STXBP5: variants seen among roughly 807,000 people sequenced by gnomAD.
STXBP5 encodes the protein syntaxin binding protein 5.
Under a neutral mutation model 152.4 loss-of-function variants are expected in STXBP5, and 50 were observed. The ratio of observed to expected loss-of-function variants is 0.33; its 90% confidence interval spans 0.26 to 0.42. STXBP5 has a LOEUF of 0.42. STXBP5 is among the 10% of genes least tolerant of loss of function. The pLI is 1.00. For missense variants in STXBP5, 1,167 were observed against 1,388.6 expected, an observed-to-expected ratio of 0.84 and a Z score of 2.54; for synonymous variants, 492 against 494.7, an observed-to-expected ratio of 0.99 and a Z score of 0.07.
chr6:147,384,444 A>C (rs780064364), intron 27 of STXBP5, among the ~76,000 whole-genome samples: 12 of 152,142 alleles, frequency 7.9e-5, no homozygotes, highest in Admixed American at 6.6e-5. Flanking sequence ...AATAAAAATT[A>C]TCTTACTTTT....
chr6:147,353,980 A>G (rs1222632465), intron 22 of STXBP5, among the ~76,000 whole-genome samples: 3 of 152,214 alleles, frequency 2.0e-5, no homozygotes, highest in Non-Finnish European at 2.9e-5. Context: ...ATTTCAAAAA[A>G]GATAAAAGTA....
At chr6:147,338,587 A>C (rs974943064) in intron 19 of STXBP5, among the ~76,000 whole-genome samples, 8 of 152,110 alleles carry the variant, frequency 5.3e-5, no homozygotes, top group Admixed American at 5.2e-4. Flanking sequence ...ATTGGGAGTC[A>C]CAGCCAAAAT....
intron 5 of STXBP5, among the ~76,000 whole-genome samples, chr6:147,261,026 T>C (rs942344091): frequency 2.0e-5 from 3 of 152,048 alleles, no homozygotes; most frequent in Non-Finnish European, 2.9e-5. Flanking sequence ...CAGTCATTCC[T>C]ACTAATGAAA....
rs779575614 is a variant in STXBP5 at position 147,279,659 on chromosome 6, C to CATCTATTTATGA, written c.838+1456_838+1467dup. On this transcript the variant is annotated intron_variant, in intron 8 of 27. Coordinates refer to ENST00000321680, the MANE Select transcript of STXBP5 (RefSeq NM_001127715.4). ...AAGCACTTACATGAAATTCCCTACACATCTATTTATGAGTGCATCTAGAGG... is the reference window on the plus strand; with the variant it reads ...AAGCACTTACATGAAATTCCCTACACATCTATTTATGAATCTATTTATGAGTGCATCTAGAGG... 3.0e-4 allele frequency among the ~76,000 whole-genome samples: 46 copies of CATCTATTTATGA among 152,306 alleles called. No individual in the cohort carries two copies. In the Middle Eastern group the frequency reaches 0.01, roughly 34 times the overall value.
At chr6:147,258,544 G>A (rs1461470420) in intron 4 of STXBP5, among the ~76,000 whole-genome samples, 1 of 151,876 alleles carries the variant, frequency 6.6e-6, no homozygotes, top group Non-Finnish European at 1.5e-5. Flanking sequence ...CGCCATTCTC[G>A]TGCCTCAGCC....
intron 2 of STXBP5, among the ~76,000 whole-genome samples, chr6:147,221,919 G>T (rs910149466): frequency 6.6e-6 from 1 of 151,604 alleles, no homozygotes; most frequent in South Asian, 2.1e-4. Context: ...TTGTCTCTCT[G>T]TTCTCAGATA....
chr6:147,341,562 A>G (rs994106635), intron 21 of STXBP5, among the ~76,000 whole-genome samples: 1 of 152,144 alleles, frequency 6.6e-6, no homozygotes, highest in African/African-American at 2.4e-5. Context: ...TTGCACTAGT[A>G]AAAGAGCCAC....
chr6:147,258,326 A>T (rs1170264786), intron 4 of STXBP5, among the ~76,000 whole-genome samples: 1 of 152,156 alleles, frequency 6.6e-6, no homozygotes, highest in Non-Finnish European at 1.5e-5. Flanking sequence ...TTAAAAAAAG[A>T]TTTCTTGTGG....
At chr6:147,362,916 G>A (rs1018689865) in intron 23 of STXBP5, among the ~76,000 whole-genome samples, 5 of 152,186 alleles carry the variant, frequency 3.3e-5, no homozygotes, top group South Asian at 2.1e-4. Flanking sequence ...GACAAGGCGC[G>A]TTCCCAGTGC....
chr6:147,373,652 A>C (rs1785670518), intron 25 of STXBP5, 79 bp from the exon 26 acceptor site: 1 of 953,944 alleles, frequency 1.0e-6, no homozygotes. Flanking sequence ...TAAGTTAAGG[A>C]GTTTACAGTG....
At chr6:147,325,967 G>A (rs886100440) in intron 17 of STXBP5, among the ~76,000 whole-genome samples, 2 of 152,156 alleles carry the variant, frequency 1.3e-5, no homozygotes, top group East Asian at 3.8e-4. Flanking sequence ...TTAGGTATAT[G>A]TAAATAATCT....
Position 147,234,685 on chromosome 6 carries a change from A to G in STXBP5, c.249-565A>G, listed in dbSNP as rs143111371. Among the ~76,000 whole-genome samples, 362 of 152,112 alleles carry G rather than the reference A, an allele frequency of 2.4e-3. 1 individual carries two copies. The highest frequency in any genetic ancestry group is 4.4e-3 in the Non-Finnish European group (297 of 67,848). On this transcript the variant is annotated intron_variant, in intron 2 of 27. Coordinates refer to ENST00000321680, the MANE Select transcript of STXBP5 (RefSeq NM_001127715.4). ...CATTTTAATCAGTATCCATGCCTGT[A>G]GTAAAAGATTGACACGTTCATTTGG... is the stretch of plus-strand genomic sequence containing the variant.
chr6:147,373,253 C>G (rs1379263741), intron 25 of STXBP5, among the ~76,000 whole-genome samples: 1 of 149,950 alleles, frequency 6.7e-6, no homozygotes, highest in Admixed American at 6.7e-5. Flanking sequence ...GTAATCCCAG[C>G]TAGTCAGTGG....
At chr6:147,206,998 GA>G (rs5880699) in intron 2 of STXBP5, among the ~76,000 whole-genome samples, 10,196 of 146,924 alleles carry the variant, frequency 0.069, 463 homozygotes, top group African/African-American at 0.14. Context: ...GTGATAAATA[GA>G]AAAAAAAAAT....
At chr6:147,333,035 C>T (rs1260450086) in intron 18 of STXBP5, among the ~76,000 whole-genome samples, 2 of 152,062 alleles carry the variant, frequency 1.3e-5, no homozygotes, top group Non-Finnish European at 1.5e-5. Context: ...GTACTAGTCA[C>T]GTCATAAAAC....
intron 23 of STXBP5, 118 bp downstream of exon 23, chr6:147,359,441 A>G (rs1281942053): frequency 8.3e-7 from 1 of 1,208,918 alleles, no homozygotes; most frequent in African/African-American, 1.5e-5. Context: ...AAATGGGGAC[A>G]GTGATGGCCT....
At chr6:147,286,312 A>T (rs1290993090) in intron 8 of STXBP5, among the ~76,000 whole-genome samples, 1 of 152,138 alleles carries the variant, frequency 6.6e-6, no homozygotes, top group Non-Finnish European at 1.5e-5. Context: ...GGGGAAAGGG[A>T]TTATTCTCTA....
intron 23 of STXBP5, among the ~76,000 whole-genome samples, chr6:147,359,895 C>A (rs544386879): frequency 2.0e-5 from 3 of 152,024 alleles, no homozygotes; most frequent in Non-Finnish European, 1.5e-5. Context: ...GCAACCTACT[C>A]ATCTGACAAA....
At chr6:147,329,465 C>T (rs1783442054) in intron 18 of STXBP5, among the ~76,000 whole-genome samples, 1 of 150,236 alleles carries the variant, frequency 6.7e-6, no homozygotes, top group Non-Finnish European at 1.5e-5. Context: ...TCTGATCCCC[C>T]CAAATTTATA....
Sources: gnomAD v4.1 joint callset for allele counts (sites outside exome capture counted in the v4.1 genomes callset) on GRCh38, gnomAD v4.1.1 for gene constraint, MANE v1.5 for transcripts, NCBI Gene and HGNC (gene_info 2026-07-23, HGNC 2026-07-21) for gene names.